The following SPATA1 variants were observed in gnomAD, a reference collection of about 807,000 sequenced individuals.
SPATA1 encodes spermatogenesis associated 1.
In SPATA1, 57 loss-of-function variants were observed where a neutral mutation model predicts 59.6. That is an observed-to-expected ratio of 0.96 (90% CI 0.77 to 1.19). The LOEUF (loss-of-function observed/expected upper bound fraction) is 1.19, where lower values mean the gene tolerates loss of function less well. SPATA1 is among the 50% of genes most tolerant of loss of function. The pLI, the probability that SPATA1 is intolerant of heterozygous loss-of-function variation, is 0.00. For synonymous variants in SPATA1, 147 were observed against 163.9 expected (o/e 0.90, Z 0.79); for missense variants, 448 against 480.7 (o/e 0.93, Z 0.64).
chr1:84,509,402 A>G (rs7512922), intron 1 of SPATA1, among the ~76,000 whole-genome samples: 27,475 of 152,228 alleles, frequency 0.18, 2,563 homozygotes, highest in South Asian at 0.31. Context: ...CTCTCCTCGT[A>G]TACCAAAATC....
intron 1 of SPATA1, chr1:84,506,862 T>C (rs1299201817): frequency 6.6e-6 from 1 of 152,240 alleles, no homozygotes; most frequent in Non-Finnish European, 1.5e-5. Context: ...AGCTCTTGAA[T>C]CGGTTTTTCT....
chr1:84,509,371 G>A (rs1682436274), intron 1 of SPATA1, among the ~76,000 whole-genome samples: 2 of 152,232 alleles, frequency 1.3e-5, no homozygotes, highest in Admixed American at 6.5e-5. Flanking sequence ...ATCCGTATTA[G>A]AAGAATGAAG....
chr1:84,552,862 A>T (rs1224758186), intron 12 of SPATA1: 1 of 536,850 alleles, frequency 1.9e-6, no homozygotes, highest in African/African-American at 2.0e-5. Flanking sequence ...CTTATTAAAC[A>T]GCATTCATAA....
intron 8 of SPATA1, among the ~76,000 whole-genome samples, chr1:84,535,383 T>A (rs1217826182): frequency 4.6e-5 from 7 of 152,180 alleles, no homozygotes; most frequent in Non-Finnish European, 8.8e-5. Flanking sequence ...AAAAGACTAC[T>A]GGAATTTTGA....
chr1:84,520,477 C>T, intron 2 of SPATA1, 108 bp from the exon 3 acceptor site: 1 of 714,112 alleles, frequency 1.4e-6, no homozygotes, highest in Non-Finnish European at 2.2e-6. Context: ...GTATGTATTC[C>T]ATGTTTTTTT....
At chr1:84,532,022 C>T (rs1558593289) in intron 6 of SPATA1, among the ~76,000 whole-genome samples, 1 of 151,986 alleles carries the variant, frequency 6.6e-6, no homozygotes, top group Non-Finnish European at 1.5e-5. Context: ...GTTAATATTT[C>T]AAAGATGGAT....
intron 4 of SPATA1, among the ~76,000 whole-genome samples, chr1:84,560,075 C>T (rs538194575): frequency 7.6e-4 from 81 of 106,164 alleles, no homozygotes; most frequent in Middle Eastern, 7.2e-3. Context: ...CAGAGCAAGA[C>T]TCTGTCTCAA....
intron 2 of SPATA1, among the ~76,000 whole-genome samples, chr1:84,518,349 T>C (rs190425646): frequency 1.3e-3 from 201 of 152,220 alleles, no homozygotes; most frequent in African/African-American, 4.7e-3. Flanking sequence ...TTTTTTTAGA[T>C]GTGAAAATGA....
intron 6 of SPATA1, among the ~76,000 whole-genome samples, chr1:84,532,298 C>G (rs1683504131): frequency 6.6e-6 from 1 of 152,172 alleles, no homozygotes; most frequent in Non-Finnish European, 1.5e-5. Context: ...GAGTTCAAGA[C>G]AAGCCTTGCC....
intron 3 of SPATA1, 23 bp from the exon 4 acceptor site, chr1:84,522,367 A>C: frequency 2.3e-6 from 3 of 1,324,592 alleles, no homozygotes; most frequent in Non-Finnish European, 3.0e-6. Context: ...TTTATATTAT[A>C]AGGCAATTTT....
At chr1:84,520,797 G>C (rs755183318) in intron 3 of SPATA1, 106 bp downstream of exon 3, 16 of 751,878 alleles carry the variant, frequency 2.1e-5, no homozygotes, top group Non-Finnish European at 3.0e-5. Flanking sequence ...AAAATATTTT[G>C]TCCACGTGAT....
chr1:84,553,083 G>C (rs1282134211), exon 13 of SPATA1: 1 of 1,522,640 alleles, frequency 6.6e-7, no homozygotes, highest in Non-Finnish European at 8.8e-7. Flanking sequence ...AACTGAACTG[G>C]CACAGAAAAA....
chr1:84,509,889 G>T (rs577384779), intron 1 of SPATA1, among the ~76,000 whole-genome samples: 2 of 151,740 alleles, frequency 1.3e-5, no homozygotes, highest in African/African-American at 4.8e-5. Context: ...ATTACATCAA[G>T]TTAAAAACCT....
chr1:84,510,224 C>T (rs1165289507), intron 1 of SPATA1, among the ~76,000 whole-genome samples: 1 of 152,030 alleles, frequency 6.6e-6, no homozygotes, highest in Non-Finnish European at 1.5e-5. Context: ...GAAGAGACAA[C>T]TCACAGAATG....
At chr1:84,563,967 T>A in intron 4 of SPATA1, 2 of 968,170 alleles carry the variant, frequency 2.1e-6, no homozygotes, top group Non-Finnish European at 2.8e-6. Context: ...GTTTAATATG[T>A]TATAAAACAT....
chr1:84,520,491 A>T, intron 2 of SPATA1, 94 bp from the exon 3 acceptor site: 3 of 756,096 alleles, frequency 4.0e-6, no homozygotes, highest in African/African-American at 1.9e-5. Flanking sequence ...TTTTTTTTCT[A>T]TTGTGTTTAT....
chr1:84,555,864 C>A (rs181995738), downstream of SPATA1: 1 of 152,366 alleles, frequency 6.6e-6, no homozygotes, highest in Admixed American at 6.5e-5. Flanking sequence ...AATCAATGCT[C>A]TGGTCCTCTA....
chr1:84,545,801 T>G lies in SPATA1; in HGVS notation c.946+42T>G, dbSNP rs142405604. The G allele has an allele frequency of 2.0e-3, 2,701 of 1,341,496 alleles. 19 individuals are homozygous for G. The Admixed American group carries it at 0.04, about 20-fold the overall frequency. 83.1% of individuals were successfully genotyped at this position (1,341,496 alleles called of 1,614,324 possible). The stretch of plus-strand genomic sequence containing the variant: ...ACCTTTTATCACTATAAAGAAAACT[T>G]AAGTTTTACAGAATTGATCCTTTTA... On this transcript the variant is annotated intron_variant, in intron 10 of 12. Transcript: ENST00000490879.
chr1:84,544,278 C>T, exon 9 of SPATA1: 1 of 1,582,788 alleles, frequency 6.3e-7, no homozygotes, highest in South Asian at 1.2e-5. Flanking sequence ...TCAGGAATAA[C>T]TGATATATCT....
Sources: gnomAD v4.1 joint callset for allele counts (sites outside exome capture counted in the v4.1 genomes callset) on GRCh38, gnomAD v4.1.1 for gene constraint, MANE v1.5 for transcripts, NCBI Gene and HGNC (gene_info 2026-07-23, HGNC 2026-07-21) for gene names.